CPE: variants seen among roughly 807,000 people sequenced by gnomAD.
The protein encoded by CPE is carboxypeptidase E, also known as carbocypeptidase E.
Under a neutral mutation model 53.5 loss-of-function variants are expected in CPE, and 17 were observed. The ratio of observed to expected loss-of-function variants is 0.32; its 90% CI spans 0.22 to 0.48. The LOEUF is 0.48. Among genes scored for constraint, CPE ranks in the 20% least tolerant of loss-of-function variants. CPE has a pLI of 0.99. For missense variants in CPE, 524 were observed against 614.7 expected, an observed-to-expected ratio of 0.85 and a Z score of 1.56; for synonymous variants, 226 against 228.8, an observed-to-expected ratio of 0.99 and a Z score of 0.11.
chr4:165,412,257 T>C (rs1731053493), intron 1 of CPE, among the ~76,000 whole-genome samples: 1 of 152,178 alleles, frequency 6.6e-6, no homozygotes, highest in Admixed American at 6.6e-5. Flanking sequence ...TCTTGAGAGA[T>C]TGTGGATTTT....
chr4:165,449,767 G>A (rs1731776952), intron 1 of CPE, among the ~76,000 whole-genome samples: 1 of 151,698 alleles, frequency 6.6e-6, no homozygotes, highest in Non-Finnish European at 1.5e-5. Flanking sequence ...TGGGTTTGGG[G>A]CACATTGCTT....
In CPE at chr4:165,394,119, T is replaced by TA. The variant is rs1248090043; in HGVS notation, c.307+14591_307+14592insA. On this transcript the variant is annotated intron_variant, in intron 1 of 8. Coordinates refer to ENST00000402744, the MANE Select transcript of CPE (RefSeq NM_001873.4). ...AGGGCTGGTGGCTCAAGAGAAACTT[T>TA]GGGGAAACAGAAATAATGGATGGGG... Among the ~76,000 whole-genome samples, 23 of 152,136 alleles carry TA rather than the reference T, an allele frequency of 1.5e-4. 1 individual carries two copies. Among genetic ancestry groups the TA allele is most frequent in the African/African-American group, 5.5e-4 (23 of 41,508 alleles).
At position 165,482,228 on chromosome 4, in the gene CPE, T is replaced by A; in HGVS notation, c.673-14T>A. Reference sequence around the variant, plus strand: ...TATTAAATTTATAATCCTTTTAATCTCTCATCTGAACAGCTTGCTCCTGAG... The same window carrying A: ...TATTAAATTTATAATCCTTTTAATCACTCATCTGAACAGCTTGCTCCTGAG... On this transcript the variant is annotated splice_polypyrimidine_tract_variant and intron_variant, in intron 3 of 8. Coordinates refer to ENST00000402744, the MANE Select transcript of CPE (RefSeq NM_001873.4). 1 of 1,511,212 alleles carries A rather than the reference T, an allele frequency of 6.6e-7. No homozygotes were observed. The highest frequency in any genetic ancestry group is 9.2e-7 in the Non-Finnish European group (1 of 1,092,248). 93.6% of individuals were successfully genotyped at this position (1,511,212 alleles called of 1,614,324 possible).
intron 3 of CPE, among the ~76,000 whole-genome samples, chr4:165,479,330 A>T (rs986975277): frequency 6.6e-6 from 1 of 152,224 alleles, no homozygotes; most frequent in Non-Finnish European, 1.5e-5. Flanking sequence ...TGCATTATTG[A>T]ATACATGGAA....
chr4:165,467,437 T>A (rs1170766390), intron 2 of CPE, among the ~76,000 whole-genome samples: 3 of 152,198 alleles, frequency 2.0e-5, no homozygotes, highest in Non-Finnish European at 4.4e-5. Context: ...TCCATTATAG[T>A]CTTATGGGAT....
At chr4:165,408,147 G>T (rs1730981612) in intron 1 of CPE, among the ~76,000 whole-genome samples, 1 of 152,144 alleles carries the variant, frequency 6.6e-6, no homozygotes, top group Admixed American at 6.5e-5. Context: ...TTCAAGTACA[G>T]AAGTTTTACA....
chr4:165,424,785 C>T (rs1234431931), intron 1 of CPE, among the ~76,000 whole-genome samples: 11 of 152,152 alleles, frequency 7.2e-5, no homozygotes, highest in African/African-American at 2.2e-4. Flanking sequence ...CCACCTGCCT[C>T]GGCCTCCCAA....
At chr4:165,457,910 G>A (rs142418177) in intron 1 of CPE, among the ~76,000 whole-genome samples, 49 of 152,062 alleles carry the variant, frequency 3.2e-4, no homozygotes, top group African/African-American at 1.1e-3. Context: ...TTGTTTATTG[G>A]ACCCCTGGTG....
chr4:165,474,138 G>T (rs1391759367), intron 3 of CPE, among the ~76,000 whole-genome samples: 2 of 152,222 alleles, frequency 1.3e-5, no homozygotes, highest in Non-Finnish European at 2.9e-5. Flanking sequence ...AGCTTATAAA[G>T]CAGCCAATAA....
intron 1 of CPE, among the ~76,000 whole-genome samples, chr4:165,383,594 A>G (rs1403977683): frequency 6.6e-6 from 1 of 152,222 alleles, no homozygotes; most frequent in Non-Finnish European, 1.5e-5. Context: ...TTCTTTCTCA[A>G]AGGCTGGAAT....
At chr4:165,465,100 C>T (rs1446259506) in intron 2 of CPE, among the ~76,000 whole-genome samples, 1 of 151,876 alleles carries the variant, frequency 6.6e-6, no homozygotes, top group East Asian at 1.9e-4. Context: ...TACCTCTTAA[C>T]TAAAAATAAT....
At chr4:165,384,289 T>C (rs1225516269) in intron 1 of CPE, among the ~76,000 whole-genome samples, 1 of 152,216 alleles carries the variant, frequency 6.6e-6, no homozygotes, top group Non-Finnish European at 1.5e-5. Flanking sequence ...GGCTAATGTA[T>C]GTTTCAAATC....
At chr4:165,464,868 A>G (rs2126700755) in intron 2 of CPE, among the ~76,000 whole-genome samples, 1 of 152,342 alleles carries the variant, frequency 6.6e-6, no homozygotes, top group African/African-American at 2.4e-5. Flanking sequence ...TTATTCATCC[A>G]TTTTTGTGAC....
intron 1 of CPE, among the ~76,000 whole-genome samples, chr4:165,388,954 C>T (rs9631765): frequency 0.25 from 37,623 of 151,996 alleles, 4,892 homozygotes; most frequent in East Asian, 0.41. Context: ...TTCAACATAA[C>T]CAGCATCAGG....
At chr4:165,482,632 C>A (rs1732434510) in intron 4 of CPE, among the ~76,000 whole-genome samples, 1 of 152,176 alleles carries the variant, frequency 6.6e-6, no homozygotes. Context: ...AAACACACGT[C>A]ATAAACTTGG....
intron 1 of CPE, among the ~76,000 whole-genome samples, chr4:165,461,188 G>GAAAAAAAA (rs1553976642): frequency 1.2e-5 from 1 of 81,208 alleles, no homozygotes; most frequent in African/African-American, 5.3e-5. Flanking sequence ...AAAAAAAAAA[G>GAAAAAAAA]AAAGAAAGAA....
intron 1 of CPE, among the ~76,000 whole-genome samples, chr4:165,448,651 C>T (rs1435023310): frequency 2.6e-5 from 4 of 152,110 alleles, no homozygotes. Flanking sequence ...AAAAACCCTT[C>T]TTTTATCATT....
At chr4:165,389,205 A>G (rs1730642635) in intron 1 of CPE, among the ~76,000 whole-genome samples, 1 of 152,220 alleles carries the variant, frequency 6.6e-6, no homozygotes, top group Admixed American at 6.5e-5. Context: ...CGATCTAGAC[A>G]TATAGGTTTT....
chr4:165,381,152 T>A, intron 1 of CPE: 1 of 399,826 alleles, frequency 2.5e-6, no homozygotes, highest in Non-Finnish European at 5.0e-6. Flanking sequence ...TTGTTTCAAA[T>A]TTGGAAATAA....
Sources: allele counts gnomAD v4.1 joint callset (sites outside exome capture counted in the v4.1 genomes callset), GRCh38; gene constraint gnomAD v4.1.1; transcripts MANE v1.5; gene names NCBI Gene and HGNC (gene_info 2026-07-23, HGNC 2026-07-21).